The following SPECC1L variants were observed in gnomAD, a reference collection of about 807,000 sequenced individuals.
SPECC1L encodes sperm antigen with calponin homology and coiled-coil domains 1 like, also known as cytospin-A.
In SPECC1L, 40 loss-of-function variants were observed where a neutral mutation model predicts 116.8. The ratio of observed to expected loss-of-function variants is 0.34; its 90% CI spans 0.27 to 0.45. The LOEUF (loss-of-function observed/expected upper bound fraction) is 0.45, where lower values mean the gene tolerates loss of function less well. Among genes scored for constraint, SPECC1L ranks in the 20% least tolerant of loss-of-function variants. SPECC1L has a pLI of 1.00. For synonymous variants in SPECC1L, 504 were observed against 500.6 expected, an observed-to-expected ratio of 1.01 and a Z score of -0.09; for missense variants, 1,110 against 1,373.6, an observed-to-expected ratio of 0.81 and a Z score of 3.03.
At chr22:24,278,635 A>C (rs2048882867) in intron 2 of SPECC1L, among the ~76,000 whole-genome samples, 1 of 152,216 alleles carries the variant, frequency 6.6e-6, no homozygotes, top group Admixed American at 6.5e-5. Flanking sequence ...GAGGGGGTGG[A>C]GGGAGGTAAG....
At chr22:24,276,914 A>G in intron 2 of SPECC1L, 111 bp downstream of exon 2, 1 of 205,590 alleles carries the variant, frequency 4.9e-6, no homozygotes, top group Non-Finnish European at 1.0e-5. Context: ...ACTGGGCCCA[A>G]GAATTCTTGC....
At chr22:24,398,611 T>A (rs2042411083) in intron 14 of SPECC1L, among the ~76,000 whole-genome samples, 1 of 152,222 alleles carries the variant, frequency 6.6e-6, no homozygotes, top group Non-Finnish European at 1.5e-5. Flanking sequence ...AGAGAAGGCT[T>A]CTGAACAGTG....
chr22:24,302,136 A>C, intron 2 of SPECC1L, 59 bp from the exon 3 acceptor site: 1 of 1,327,188 alleles, frequency 7.5e-7, no homozygotes, highest in Non-Finnish European at 1.1e-6. Flanking sequence ...TCGAAAACAA[A>C]TTTCTAAAGC....
intron 8 of SPECC1L, among the ~76,000 whole-genome samples, chr22:24,332,096 G>A (rs2040950653): frequency 6.6e-6 from 1 of 152,184 alleles, no homozygotes; most frequent in African/African-American, 2.4e-5. Flanking sequence ...GACAAACTGT[G>A]CATCATTCAG....
chr22:24,281,624 C>G (rs2048944179), intron 2 of SPECC1L, among the ~76,000 whole-genome samples: 1 of 151,994 alleles, frequency 6.6e-6, no homozygotes, highest in Non-Finnish European at 1.5e-5. Flanking sequence ...AAAAATAATA[C>G]TTGGTTTTTG....
At chr22:24,301,173 A>G (rs1432326271) in intron 2 of SPECC1L, among the ~76,000 whole-genome samples, 1 of 152,216 alleles carries the variant, frequency 6.6e-6, no homozygotes. Flanking sequence ...CATCAGAGCA[A>G]AGAGGCAACC....
chr22:24,381,635 A>G (rs1407684420), intron 14 of SPECC1L, among the ~76,000 whole-genome samples: 4 of 152,206 alleles, frequency 2.6e-5, no homozygotes. Flanking sequence ...CTGTAATCCC[A>G]GCACTTTGGG....
intron 2 of SPECC1L, among the ~76,000 whole-genome samples, chr22:24,289,465 T>G (rs1295116582): frequency 1.3e-5 from 2 of 151,956 alleles, no homozygotes; most frequent in Non-Finnish European, 2.9e-5. Context: ...AGATTAGGAC[T>G]TTTATTTCAT....
chr22:24,304,755 C>G (rs1490985417), intron 3 of SPECC1L, among the ~76,000 whole-genome samples: 1 of 152,174 alleles, frequency 6.6e-6, no homozygotes, highest in African/African-American at 2.4e-5. Flanking sequence ...TATTTGTGGT[C>G]ATACAGTGTA....
chr22:24,413,886 C>T (rs1362956644), intron 16 of SPECC1L, among the ~76,000 whole-genome samples: 2 of 152,158 alleles, frequency 1.3e-5, no homozygotes, highest in African/African-American at 4.8e-5. Flanking sequence ...TCAGGCCGGC[C>T]CCTTGGGTCA....
intron 14 of SPECC1L, among the ~76,000 whole-genome samples, chr22:24,401,016 C>T (rs538038691): frequency 1.3e-5 from 2 of 152,240 alleles, no homozygotes; most frequent in East Asian, 3.9e-4. Context: ...TGTACATAGC[C>T]CTAGCGACAA....
intron 4 of SPECC1L, among the ~76,000 whole-genome samples, chr22:24,317,365 C>T (rs2040606043): frequency 8.3e-6 from 1 of 120,834 alleles, no homozygotes. Flanking sequence ...CAGAGGGGCT[C>T]CTCACTTCCC....
chr22:24,322,243 A>G lies in SPECC1L; in HGVS notation c.1263A>G (p.Leu421=), dbSNP rs199621175. 2.5e-6 allele frequency: 4 copies of G among 1,614,134 alleles called. No individual in the cohort carries two copies. Among genetic ancestry groups the G allele is most frequent in the South Asian group, 1.1e-5 (1 of 91,092 alleles). ...AACTCCAGGCAACCCTGCAAGAGCT[A>G]GCTGATTTACAGCAGATTACCCAGG... The part of the protein sequence containing the change: ...SEELQATLQE[L]ADLQQITQEL... Residue 421 remains leucine (L), a synonymous_variant, in exon 5 of 17, where the codon CTA becomes CTG. Coordinates refer to ENST00000314328, the MANE Select transcript of SPECC1L (RefSeq NM_015330.6).
At chr22:24,317,275 C>G (rs2040601107) in intron 4 of SPECC1L, among the ~76,000 whole-genome samples, 2 of 114,420 alleles carry the variant, frequency 1.7e-5, no homozygotes, top group African/African-American at 3.1e-5. Context: ...ACCCCCCCCA[C>G]CTCCCTCCCG....
At chr22:24,322,943 T>TTCCG in intron 5 of SPECC1L, 25 bp downstream of exon 5, 1 of 1,613,088 alleles carries the variant, frequency 6.2e-7, no homozygotes, top group Non-Finnish European at 8.5e-7. Flanking sequence ...GATTAAAATG[T>TTCCG]TCCGGACAGC....
intron 15 of SPECC1L, 170 bp from the exon 16 acceptor site, chr22:24,412,478 A>T (rs895531400): frequency 1.4e-6 from 1 of 697,052 alleles, no homozygotes; most frequent in Middle Eastern, 3.1e-4. Flanking sequence ...GGCCTAGTGC[A>T]GGGTACTTGG....
intron 13 of SPECC1L, among the ~76,000 whole-genome samples, chr22:24,368,858 G>C (rs1465427439): frequency 6.6e-6 from 1 of 152,170 alleles, no homozygotes; most frequent in African/African-American, 2.4e-5. Flanking sequence ...TGTTGGCCAG[G>C]CTGATCTCAA....
chr22:24,278,325 T>C (rs2048876456), intron 2 of SPECC1L, among the ~76,000 whole-genome samples: 1 of 152,222 alleles, frequency 6.6e-6, no homozygotes. Flanking sequence ...GGCAGCACTA[T>C]ACTGTAGCCT....
rs886820729 is a variant in SPECC1L at position 24,414,783 on chromosome 22, C to A, written c.*160C>A. On this transcript the variant is annotated 3_prime_UTR_variant, in exon 17 of 17. Transcript: ENST00000314328. ...TCGGGGCTTCCGTATTGGAAGAACTCAGCCGTGTGGCCCACAGCTCCCACC... is the reference window on the plus strand; with the variant it reads ...TCGGGGCTTCCGTATTGGAAGAACTAAGCCGTGTGGCCCACAGCTCCCACC... 13 of 667,432 alleles carry A rather than the reference C, an allele frequency of 1.9e-5. No individual in the cohort carries two copies. The highest frequency in any genetic ancestry group is 3.2e-5 in the Non-Finnish European group (12 of 372,230). 41.3% of individuals were successfully genotyped at this position (667,432 alleles called of 1,614,324 possible).
Sources: allele counts gnomAD v4.1 joint callset (sites outside exome capture counted in the v4.1 genomes callset), GRCh38; gene constraint gnomAD v4.1.1; transcripts MANE v1.5; gene names NCBI Gene and HGNC (gene_info 2026-07-23, HGNC 2026-07-21).